SAMD3: variants seen among roughly 807,000 people sequenced by gnomAD.
The protein encoded by SAMD3 is sterile alpha motif domain containing 3.
SAMD3 carries 63 observed loss-of-function variants against 58.5 expected under a neutral mutation model. The observed-to-expected ratio is 1.08, with a 90% confidence interval of 0.88 to 1.33. The LOEUF is 1.33. SAMD3 is among the 40% of genes most tolerant of loss of function. The probability of loss-of-function intolerance (pLI) is 0.00; values close to 1 mark genes in which losing one functional copy is unlikely to be tolerated. For synonymous variants in SAMD3, 220 were observed against 210.3 expected (o/e 1.05, Z -0.40); for missense variants, 604 against 608.4 (o/e 0.99, Z 0.08).
At chr6:130,307,089 G>A (rs372288968) in intron 2 of SAMD3, among the ~76,000 whole-genome samples, 10 of 152,128 alleles carry the variant, frequency 6.6e-5, no homozygotes, top group Non-Finnish European at 1.3e-4. Context: ...ACACTTTCAT[G>A]TATCTAAAGA....
At chr6:130,217,555 C>G (rs1336656758) in intron 1 of SAMD3, among the ~76,000 whole-genome samples, 1 of 152,076 alleles carries the variant, frequency 6.6e-6, no homozygotes, top group Non-Finnish European at 1.5e-5. Flanking sequence ...AGAGGTAAGA[C>G]TTCAGCTAAA....
chr6:130,355,093 T>C (rs1165239040), intron 1 of SAMD3, among the ~76,000 whole-genome samples: 2 of 152,226 alleles, frequency 1.3e-5, no homozygotes, highest in East Asian at 3.9e-4. Flanking sequence ...CTACATGCCA[T>C]CTGTAGCAGC....
intron 10 of SAMD3, among the ~76,000 whole-genome samples, 182 bp from the exon 11 acceptor site, chr6:130,145,604 G>A (rs550805469): frequency 5.3e-5 from 8 of 152,076 alleles, no homozygotes; most frequent in East Asian, 1.9e-4. Context: ...TCAAAATCTC[G>A]TATCTGCCCT....
At chr6:130,201,108 G>A (rs923159350) in intron 5 of SAMD3, among the ~76,000 whole-genome samples, 35 of 152,040 alleles carry the variant, frequency 2.3e-4, no homozygotes, top group Admixed American at 1.2e-3. Flanking sequence ...TGTTACCACC[G>A]TCTTAGCTTA....
intron 7 of SAMD3, among the ~76,000 whole-genome samples, chr6:130,182,779 A>C (rs1213880326): frequency 6.6e-6 from 1 of 152,224 alleles, no homozygotes; most frequent in African/African-American, 2.4e-5. Context: ...CTGAAATTCC[A>C]TGTCCTTAAG....
intron 2 of SAMD3, among the ~76,000 whole-genome samples, chr6:130,303,094 T>C (rs543462408): frequency 7.5e-4 from 114 of 152,272 alleles, no homozygotes; most frequent in African/African-American, 2.6e-3. Flanking sequence ...ATATTACTGT[T>C]CCTAGAGGTG....
chr6:130,244,014 A>G (rs1773450957), intron 2 of SAMD3, among the ~76,000 whole-genome samples: 1 of 152,228 alleles, frequency 6.6e-6, no homozygotes, highest in Non-Finnish European at 1.5e-5. Context: ...TAAATGAGTA[A>G]CAAAATTTTA....
intron 9 of SAMD3, among the ~76,000 whole-genome samples, chr6:130,150,399 AGTTGGAAATGGGAATG>A (rs1258339992): frequency 6.6e-6 from 1 of 152,166 alleles, no homozygotes; most frequent in Non-Finnish European, 1.5e-5. Flanking sequence ...AGGAACCAAG[AGTTGGAAATGGGAATG>A]GCGCCGCTCA....
At chr6:130,261,322 C>T (rs140439037) in intron 2 of SAMD3, among the ~76,000 whole-genome samples, 4,326 of 113,098 alleles carry the variant, frequency 0.038, 466 homozygotes, top group African/African-American at 0.16. Context: ...GTGCCTTTAT[C>T]GGCACTTTGG....
At chr6:130,306,090 C>T (rs1775902888) in intron 2 of SAMD3, among the ~76,000 whole-genome samples, 1 of 152,166 alleles carries the variant, frequency 6.6e-6, no homozygotes, top group African/African-American at 2.4e-5. Flanking sequence ...CCCAGAAGCT[C>T]CACCTTCCAA....
intron 2 of SAMD3, among the ~76,000 whole-genome samples, chr6:130,273,714 A>G (rs907644285): frequency 2.0e-5 from 3 of 151,978 alleles, no homozygotes; most frequent in African/African-American, 7.2e-5. Flanking sequence ...TTTTATTACT[A>G]AAACCATCCA....
At chr6:130,281,799 G>C (rs182002547) in intron 2 of SAMD3, among the ~76,000 whole-genome samples, 5 of 152,078 alleles carry the variant, frequency 3.3e-5, no homozygotes, top group Admixed American at 6.5e-5. Context: ...TGTAGTTCCA[G>C]GTACTTAGGA....
chr6:130,355,863 G>A (rs1229459236), intron 1 of SAMD3, among the ~76,000 whole-genome samples: 1 of 152,214 alleles, frequency 6.6e-6, no homozygotes, highest in Non-Finnish European at 1.5e-5. Flanking sequence ...ACAAAGTGTA[G>A]AGCGCATGAT....
chr6:130,160,121 A>T (rs902950336), intron 8 of SAMD3: 2 of 152,044 alleles, frequency 1.3e-5, no homozygotes, highest in African/African-American at 4.8e-5. Flanking sequence ...CAGCAAATCC[A>T]CTCCTAAGTA....
chr6:130,307,346 G>C (rs1218129871), intron 2 of SAMD3, among the ~76,000 whole-genome samples: 1 of 152,204 alleles, frequency 6.6e-6, no homozygotes, highest in African/African-American at 2.4e-5. Flanking sequence ...TTTTTATTTT[G>C]CATGGGTCTC....
intron 1 of SAMD3, among the ~76,000 whole-genome samples, chr6:130,340,603 C>T (rs1583129791): frequency 6.6e-6 from 1 of 152,130 alleles, no homozygotes; most frequent in Non-Finnish European, 1.5e-5. Flanking sequence ...CTCTTATTAC[C>T]ACAAATACTA....
intron 8 of SAMD3, among the ~76,000 whole-genome samples, chr6:130,175,039 A>G (rs1475786): frequency 0.095 from 14,451 of 152,306 alleles, 1,097 homozygotes; most frequent in African/African-American, 0.21. Context: ...TTTACACCAA[A>G]TACATTCACT....
intron 1 of SAMD3, among the ~76,000 whole-genome samples, chr6:130,350,989 T>A (rs1257041625): frequency 6.6e-6 from 1 of 152,138 alleles, no homozygotes; most frequent in East Asian, 1.9e-4. Context: ...CATTCCCTAT[T>A]TAATAAATGG....
chr6:130,152,812 A>G (rs1277747340), intron 9 of SAMD3, among the ~76,000 whole-genome samples: 3 of 152,232 alleles, frequency 2.0e-5, no homozygotes, highest in Non-Finnish European at 2.9e-5. Context: ...AGATACACCT[A>G]TGCCACAGCA....
Sources: gnomAD v4.1 joint callset for allele counts (sites outside exome capture counted in the v4.1 genomes callset) on GRCh38, gnomAD v4.1.1 for gene constraint, MANE v1.5 for transcripts, NCBI Gene and HGNC (gene_info 2026-07-23, HGNC 2026-07-21) for gene names.